The following KIFAP3 variants were observed in gnomAD, a reference collection of about 807,000 sequenced individuals.
The protein encoded by KIFAP3 is kinesin associated protein 3.
In KIFAP3, 68 loss-of-function variants were observed where a neutral mutation model predicts 106.5. The observed-to-expected ratio is 0.64, with a 90% confidence interval of 0.53 to 0.78. KIFAP3 has a LOEUF of 0.78. Ranked by LOEUF, KIFAP3 falls within the 30% of genes least tolerant of loss-of-function variation. The probability of loss-of-function intolerance (pLI) is 0.00; values close to 1 mark genes in which losing one functional copy is unlikely to be tolerated. For synonymous variants in KIFAP3, 320 were observed against 311.5 expected, an observed-to-expected ratio of 1.03 and a Z score of -0.29; for missense variants, 780 against 941.8, an observed-to-expected ratio of 0.83 and a Z score of 2.25.
At chr1:169,929,756 AT>A (rs965226191) in intron 19 of KIFAP3, among the ~76,000 whole-genome samples, 7 of 151,812 alleles carry the variant, frequency 4.6e-5, no homozygotes, top group Admixed American at 6.6e-5. Flanking sequence ...TCAAACTAGT[AT>A]TTTTTTTCAA....
upstream of KIFAP3, among the ~76,000 whole-genome samples, chr1:170,075,462 C>A (rs1331055745): frequency 6.6e-6 from 1 of 152,214 alleles, no homozygotes; most frequent in African/African-American, 2.4e-5. Flanking sequence ...AATCTTGTCA[C>A]TTATTCACTG....
Position 169,993,106 on chromosome 1 carries a change from CT to C in KIFAP3, c.1184-852del, listed in dbSNP as rs202163966. On this transcript the variant is annotated intron_variant, in intron 10 of 19. Transcript: ENST00000361580. ...ATAAACTGGTATTTTCTTTTCTGTC[CT>C]TTTTTTTTTTTTTTTTCAGAGACAG... Among the ~76,000 whole-genome samples the C allele has an allele frequency of 9.5e-3, 1,238 of 130,688 alleles. 11 individuals are homozygous for C. Among genetic ancestry groups the C allele is most frequent in the African/African-American group, 0.026 (898 of 35,196 alleles). 85.7% of individuals were successfully genotyped at this position (130,688 alleles called of 152,430 possible).
At chr1:170,063,262 T>C (rs373994789) in intron 1 of KIFAP3, among the ~76,000 whole-genome samples, 6 of 152,174 alleles carry the variant, frequency 3.9e-5, no homozygotes, top group African/African-American at 4.8e-5. Context: ...AACAACACTA[T>C]TGTCAAAACC....
At chr1:169,956,219 A>G (rs1665005955) in intron 18 of KIFAP3, among the ~76,000 whole-genome samples, 1 of 152,184 alleles carries the variant, frequency 6.6e-6, no homozygotes, top group African/African-American at 2.4e-5. Context: ...CGGCATGCCA[A>G]TAAAATAAAA....
At chr1:170,055,522 G>T in intron 1 of KIFAP3, 86 bp from the exon 2 acceptor site, 2 of 1,069,220 alleles carry the variant, frequency 1.9e-6, no homozygotes, top group South Asian at 1.8e-5. Context: ...CTATAACGTG[G>T]GTTGGATTAA....
intron 17 of KIFAP3, among the ~76,000 whole-genome samples, chr1:169,965,875 A>G (rs1273319437): frequency 6.6e-6 from 1 of 151,980 alleles, no homozygotes; most frequent in African/African-American, 2.4e-5. Flanking sequence ...CTAACTTTTG[A>G]TATTTTCTTG....
At chr1:169,979,792 A>G (rs1666414852) in intron 15 of KIFAP3, among the ~76,000 whole-genome samples, 1 of 152,162 alleles carries the variant, frequency 6.6e-6, no homozygotes, top group South Asian at 2.1e-4. Flanking sequence ...GGAAATGAGT[A>G]CATATGTTCA....
chr1:170,039,454 ACTTGATCTAATG>A (rs1669866527), intron 3 of KIFAP3, among the ~76,000 whole-genome samples, 166 bp from the exon 4 acceptor site: 1 of 152,194 alleles, frequency 6.6e-6, no homozygotes, highest in Non-Finnish European at 1.5e-5. Flanking sequence ...TATATAATCC[ACTTGATCTAATG>A]AGGATATCAA....
intron 19 of KIFAP3, among the ~76,000 whole-genome samples, chr1:169,929,982 A>C (rs1231606863): frequency 6.6e-6 from 1 of 152,194 alleles, no homozygotes; most frequent in East Asian, 1.9e-4. Flanking sequence ...AAATAGTTGC[A>C]CTGATTTATT....
intron 10 of KIFAP3, among the ~76,000 whole-genome samples, chr1:170,012,428 C>T (rs1035768412): frequency 2.0e-5 from 3 of 152,122 alleles, no homozygotes; most frequent in African/African-American, 7.2e-5. Flanking sequence ...GGGACTCTGG[C>T]TCCAAATCCC....
At chr1:169,972,622 C>T in intron 16 of KIFAP3, 24 bp from the exon 17 acceptor site, 7 of 1,116,622 alleles carry the variant, frequency 6.3e-6, no homozygotes, top group Non-Finnish European at 9.3e-6. Flanking sequence ...GTTAAAGAAA[C>T]AAACTACATT....
intron 10 of KIFAP3, among the ~76,000 whole-genome samples, chr1:169,993,377 T>C (rs764626718): frequency 2.6e-5 from 4 of 151,866 alleles, no homozygotes; most frequent in Non-Finnish European, 4.4e-5. Flanking sequence ...CCCTAAGTGC[T>C]GGGATTACAG....
chr1:169,974,873 TCC>T (rs1277311957), intron 16 of KIFAP3, among the ~76,000 whole-genome samples: 37 of 152,140 alleles, frequency 2.4e-4, no homozygotes, highest in Non-Finnish European at 4.9e-4. Context: ...ATTATAATCT[TCC>T]CTCAGCAGCC....
chr1:170,059,379 C>T (rs1254995371), intron 1 of KIFAP3, among the ~76,000 whole-genome samples: 1 of 152,152 alleles, frequency 6.6e-6, no homozygotes, highest in Non-Finnish European at 1.5e-5. Flanking sequence ...ATACTATAAA[C>T]ACCTCTATGC....
intron 10 of KIFAP3, among the ~76,000 whole-genome samples, chr1:170,014,307 A>T (rs1322450404): frequency 6.6e-6 from 1 of 152,192 alleles, no homozygotes; most frequent in Non-Finnish European, 1.5e-5. Flanking sequence ...ACCACTTAAG[A>T]GCATAAATCC....
At chr1:169,929,955 T>G (rs1663372994) in intron 19 of KIFAP3, among the ~76,000 whole-genome samples, 1 of 152,188 alleles carries the variant, frequency 6.6e-6, no homozygotes, top group Admixed American at 6.5e-5. Flanking sequence ...GTACTAATGA[T>G]GAAGGGAACG....
intron 2 of KIFAP3, among the ~76,000 whole-genome samples, chr1:170,050,530 ACACATAAT>A (rs1470168727): frequency 6.6e-6 from 1 of 152,174 alleles, no homozygotes; most frequent in Admixed American, 6.5e-5. Flanking sequence ...AAATCCCAAG[ACACATAAT>A]CATCAGATTC....
intron 5 of KIFAP3, 109 bp downstream of exon 5, chr1:170,038,181 C>G: frequency 1.2e-6 from 1 of 840,498 alleles, no homozygotes. Flanking sequence ...TTTAAGAAAT[C>G]TGAGTAAGAA....
chr1:169,947,981 G>A lies in KIFAP3; in HGVS notation c.2273+6030C>T, dbSNP rs1372813194. 8.6e-5 allele frequency among the ~76,000 whole-genome samples: 13 copies of A among 150,454 alleles called. 1 individual carries two copies. The Admixed American group carries it at 8.7e-4, about 10-fold the overall frequency. On this transcript the variant is annotated intron_variant, in intron 19 of 19. Coordinates refer to ENST00000361580, the MANE Select transcript of KIFAP3 (RefSeq NM_014970.4). ...TCTAGTATGTAGACAAAAATCTCATGGCACAAAAATAACGTTGTAAAAATG... is the reference window on the plus strand; with the variant it reads ...TCTAGTATGTAGACAAAAATCTCATAGCACAAAAATAACGTTGTAAAAATG...
Sources: gnomAD v4.1 joint callset for allele counts (sites outside exome capture counted in the v4.1 genomes callset) on GRCh38, gnomAD v4.1.1 for gene constraint, MANE v1.5 for transcripts, NCBI Gene and HGNC (gene_info 2026-07-23, HGNC 2026-07-21) for gene names.